Variants in SNX29 observed in about 807,000 individuals in gnomAD.
The protein encoded by SNX29 is sorting nexin-29.
Under a neutral mutation model 102.1 loss-of-function variants are expected in SNX29, and 78 were observed. That is an observed-to-expected ratio of 0.76 (90% CI 0.64 to 0.92). The LOEUF (loss-of-function observed/expected upper bound fraction) is 0.92, where lower values mean the gene tolerates loss of function less well. SNX29 is among the 40% of genes least tolerant of loss of function. The pLI is 0.00. For missense variants in SNX29, 1,280 were observed against 1,061.7 expected, an observed-to-expected ratio of 1.21 and a Z score of -2.86; for synonymous variants, 580 against 414.5, an observed-to-expected ratio of 1.40 and a Z score of -4.85.
chr16:12,313,879 G>A (rs1004917724), intron 15 of SNX29, among the ~76,000 whole-genome samples: 13 of 152,252 alleles, frequency 8.5e-5, no homozygotes, highest in African/African-American at 3.1e-4. Context: ...TTGCTTTACA[G>A]CAAATGAGAC....
In SNX29 at chr16:12,570,705, C is replaced by A. The variant is rs36021485; in HGVS notation, c.*2076C>A. ...CCTTTTCTGACACCTGCCCCCAAAGCACAGGATGTGAATTGGTCTCTCTCC... is the reference window on the plus strand; with the variant it reads ...CCTTTTCTGACACCTGCCCCCAAAGAACAGGATGTGAATTGGTCTCTCTCC... On this transcript the variant is annotated 3_prime_UTR_variant, in exon 21 of 21. Coordinates refer to ENST00000566228, the MANE Select transcript of SNX29 (RefSeq NM_032167.5). 69 of 232,140 alleles carry A rather than the reference C, an allele frequency of 3.0e-4. 1 individual carries two copies. The highest frequency in any genetic ancestry group is 5.1e-4 in the Non-Finnish European group (60 of 117,354). The allele number at this position is 232,140 out of a possible 1,614,324, so 14.4% of individuals were successfully genotyped here.
At chr16:12,163,959 C>T (rs764486494) in intron 13 of SNX29, among the ~76,000 whole-genome samples, 2 of 152,092 alleles carry the variant, frequency 1.3e-5, no homozygotes, top group African/African-American at 2.4e-5. Flanking sequence ...AAAATGAGGT[C>T]ACAGGTAGTA....
intron 20 of SNX29, among the ~76,000 whole-genome samples, chr16:12,553,368 A>G (rs2078111613): frequency 6.6e-6 from 1 of 152,220 alleles, no homozygotes; most frequent in Non-Finnish European, 1.5e-5. Context: ...AGAGCTTGCC[A>G]GACATGCTCT....
At chr16:12,223,189 ACCCTC>A (rs1360553013) in intron 14 of SNX29, among the ~76,000 whole-genome samples, 1 of 152,028 alleles carries the variant, frequency 6.6e-6, no homozygotes, top group Non-Finnish European at 1.5e-5. Flanking sequence ...CAAGTTACAT[ACCCTC>A]CCTGGGCCTC....
chr16:12,313,877 C>A (rs370103499), intron 15 of SNX29, among the ~76,000 whole-genome samples: 1 of 152,394 alleles, frequency 6.6e-6, no homozygotes, highest in East Asian at 1.9e-4. Flanking sequence ...CCTTGCTTTA[C>A]AGCAAATGAG....
At chr16:12,167,965 C>T (rs1028760992) in intron 13 of SNX29, among the ~76,000 whole-genome samples, 1 of 152,188 alleles carries the variant, frequency 6.6e-6, no homozygotes, top group Non-Finnish European at 1.5e-5. Flanking sequence ...AAGAGCTCAC[C>T]TGGCACCCTG....
Position 12,279,783 on chromosome 16 carries a change from A to T in SNX29, c.1782+1747A>T, listed in dbSNP as rs149657834. ...ATTTTTAAGTTCTCCTGGGATGGGG[A>T]TGTCTGGATTTACTGAATGAATGAA... On this transcript the variant is annotated intron_variant, in intron 15 of 20. Coordinates refer to ENST00000566228, the MANE Select transcript of SNX29 (RefSeq NM_032167.5). 8.5e-5 allele frequency among the ~76,000 whole-genome samples: 13 copies of T among 152,240 alleles called. No homozygotes were observed. The East Asian group carries it at 2.5e-3, about 29-fold the overall frequency.
chr16:12,340,883 C>T (rs1463940823), intron 15 of SNX29, among the ~76,000 whole-genome samples: 2 of 152,140 alleles, frequency 1.3e-5, no homozygotes, highest in East Asian at 3.9e-4. Context: ...CTTTGCCTTC[C>T]ATCCACTAAA....
At chr16:12,056,551 C>T (rs11865036) in intron 8 of SNX29, among the ~76,000 whole-genome samples, 60,837 of 151,928 alleles carry the variant, frequency 0.4, 12,755 homozygotes, top group Middle Eastern at 0.5. Context: ...GAGGGGAATG[C>T]AGCCAGACCA....
intron 18 of SNX29, among the ~76,000 whole-genome samples, chr16:12,410,176 A>G (rs767519171): frequency 1.3e-5 from 2 of 151,894 alleles, no homozygotes; most frequent in Non-Finnish European, 2.9e-5. Context: ...TTGTAGTTTT[A>G]GTAGAGACAG....
At chr16:12,322,245 C>T (rs749553111) in intron 15 of SNX29, among the ~76,000 whole-genome samples, 1 of 152,176 alleles carries the variant, frequency 6.6e-6, no homozygotes, top group Non-Finnish European at 1.5e-5. Flanking sequence ...GTGGCCTAAC[C>T]TACATCCTGT....
intron 10 of SNX29, among the ~76,000 whole-genome samples, chr16:12,073,464 C>T (rs2051396860): frequency 6.6e-6 from 1 of 152,086 alleles, no homozygotes; most frequent in South Asian, 2.1e-4. Context: ...TGTTCAGTTT[C>T]CATGTAGTGG....
At chr16:12,345,687 G>C (rs1217336240) in intron 15 of SNX29, among the ~76,000 whole-genome samples, 1 of 152,190 alleles carries the variant, frequency 6.6e-6, no homozygotes, top group East Asian at 1.9e-4. Context: ...ACTGAGATTT[G>C]AGTGACGTTG....
At chr16:12,388,412 T>G (rs1055735954) in intron 16 of SNX29, among the ~76,000 whole-genome samples, 2 of 152,252 alleles carry the variant, frequency 1.3e-5, no homozygotes. Context: ...CTTTTGATTC[T>G]CAAGCCCTTG....
At chr16:12,412,814 T>A (rs569832600) in intron 18 of SNX29, among the ~76,000 whole-genome samples, 1 of 152,248 alleles carries the variant, frequency 6.6e-6, no homozygotes, top group Non-Finnish European at 1.5e-5. Flanking sequence ...TTTTTATATT[T>A]ACTTTTTATA....
chr16:12,383,478 C>G (rs1164908133), intron 16 of SNX29, among the ~76,000 whole-genome samples: 1 of 151,806 alleles, frequency 6.6e-6, no homozygotes, highest in South Asian at 2.1e-4. Context: ...GCTCTCTTGC[C>G]CAGGCTGGAG....
At chr16:11,980,593 T>A (rs1339462088) in intron 1 of SNX29, among the ~76,000 whole-genome samples, 1 of 152,192 alleles carries the variant, frequency 6.6e-6, no homozygotes, top group Admixed American at 6.5e-5. Context: ...GTCAGACTGT[T>A]TTCTAAAGTG....
intron 3 of SNX29, among the ~76,000 whole-genome samples, chr16:12,011,928 G>A (rs970053808): frequency 6.6e-6 from 1 of 152,124 alleles, no homozygotes; most frequent in Non-Finnish European, 1.5e-5. Context: ...GGTACACCCA[G>A]TTAAAACGTA....
At chr16:12,126,759 CAGAA>C (rs1233927831) in intron 12 of SNX29, 63 bp downstream of exon 12, 2 of 1,564,548 alleles carry the variant, frequency 1.3e-6, no homozygotes, top group African/African-American at 2.7e-5. Flanking sequence ...CTGGGGAAGA[CAGAA>C]TATAACAGAT....
Sources: gnomAD v4.1 joint callset for allele counts (sites outside exome capture counted in the v4.1 genomes callset) on GRCh38, gnomAD v4.1.1 for gene constraint, MANE v1.5 for transcripts, NCBI Gene and HGNC (gene_info 2026-07-23, HGNC 2026-07-21) for gene names.